PALM2AKAP2: variants seen among roughly 807,000 people sequenced by gnomAD.
PALM2AKAP2 encodes the protein PALM2-AKAP2 fusion protein.
In PALM2AKAP2, 37 loss-of-function variants were observed where a neutral mutation model predicts 71.5. The observed-to-expected ratio is 0.52, with a 90% CI of 0.40 to 0.68. PALM2AKAP2 has a LOEUF of 0.68. Among genes scored for constraint, PALM2AKAP2 ranks in the 30% least tolerant of loss-of-function variants. PALM2AKAP2 has a pLI of 0.00. For synonymous variants in PALM2AKAP2, 468 were observed against 478.8 expected, an observed-to-expected ratio of 0.98 and a Z score of 0.29; for missense variants, 1,224 against 1,191.8, an observed-to-expected ratio of 1.03 and a Z score of -0.40.
At chr9:109,688,956 A>G (rs1431378465) in intron 1 of PALM2AKAP2, among the ~76,000 whole-genome samples, 1 of 152,150 alleles carries the variant, frequency 6.6e-6, no homozygotes, top group African/African-American at 2.4e-5. Flanking sequence ...TTGAGACTCC[A>G]GTTGTTATCG....
Position 109,923,732 on chromosome 9 carries a change from C to T in PALM2AKAP2, c.258-3C>T, listed in dbSNP as rs768439111. 6.3e-7 allele frequency: 1 copy of T among 1,588,926 alleles called. No individual in the cohort carries two copies. The highest frequency in any genetic ancestry group is 8.5e-7 in the Non-Finnish European group (1 of 1,171,392). On this transcript the variant is annotated splice_polypyrimidine_tract_variant and splice_region_variant and intron_variant, in intron 3 of 9. Transcript: ENST00000302798. ...ACTTGTCCTTTGTTTGTGTGTTTTC[C>T]AGGCTGGAGCAAGAAATACAAACGC...
At chr9:109,828,758 A>T (rs1192160120) in intron 1 of PALM2AKAP2, among the ~76,000 whole-genome samples, 1 of 152,274 alleles carries the variant, frequency 6.6e-6, no homozygotes, top group African/African-American at 2.4e-5. Flanking sequence ...TGACACTGAC[A>T]TGAATAAATG....
chr9:110,035,170 C>G (rs1436474002), intron 7 of PALM2AKAP2, among the ~76,000 whole-genome samples: 2 of 143,836 alleles, frequency 1.4e-5, no homozygotes, highest in East Asian at 4.0e-4. Flanking sequence ...ATACTTTACC[C>G]AATGTACTAA....
chr9:110,074,643 A>G (rs1340013457), intron 1 of PALM2AKAP2, among the ~76,000 whole-genome samples: 1 of 152,182 alleles, frequency 6.6e-6, no homozygotes, highest in Non-Finnish European at 1.5e-5. Flanking sequence ...AAAATTATAA[A>G]CACACACACG....
chr9:109,707,983 A>T (rs1281880390), intron 1 of PALM2AKAP2, among the ~76,000 whole-genome samples: 1 of 151,944 alleles, frequency 6.6e-6, no homozygotes, highest in African/African-American at 2.4e-5. Flanking sequence ...TTCCCATAAG[A>T]TCTTCATGGC....
rs144154478 is a variant in PALM2AKAP2 at position 110,113,823 on chromosome 9, A to G, written c.157-22304A>G. On this transcript the variant is annotated intron_variant, in intron 1 of 3. Coordinates refer to ENST00000374525, the Ensembl canonical transcript of PALM2AKAP2. The stretch of plus-strand genomic sequence containing the variant: ...GCTGGGATTACAGACGTGAGCCACC[A>G]TACCCGGCCCTGTCTACAAGTTTTA... 1.5e-3 allele frequency among the ~76,000 whole-genome samples: 228 copies of G among 152,276 alleles called. 1 individual carries two copies. The highest frequency in any genetic ancestry group is 0.014 in the Middle Eastern group (4 of 294).
intron 7 of PALM2AKAP2, among the ~76,000 whole-genome samples, chr9:110,027,619 A>G (rs1325126754): frequency 6.6e-6 from 1 of 152,240 alleles, no homozygotes; most frequent in African/African-American, 2.4e-5. Flanking sequence ...TGAAAAGGGT[A>G]CATTTCTATT....
chr9:110,018,173 G>A (rs892156844), intron 7 of PALM2AKAP2, among the ~76,000 whole-genome samples: 3 of 151,976 alleles, frequency 2.0e-5, no homozygotes, highest in Non-Finnish European at 4.4e-5. Flanking sequence ...CTCGATCTCC[G>A]TTTCTTTTTC....
At chr9:109,859,421 G>A (rs1234538020) in intron 1 of PALM2AKAP2, among the ~76,000 whole-genome samples, 4 of 152,174 alleles carry the variant, frequency 2.6e-5, no homozygotes, top group African/African-American at 9.7e-5. Context: ...AGCTGGAAGA[G>A]AGGACTAAAA....
intron 1 of PALM2AKAP2, among the ~76,000 whole-genome samples, chr9:109,863,076 A>G (rs376295550): frequency 3.2e-4 from 48 of 152,308 alleles, no homozygotes; most frequent in African/African-American, 1.2e-3. Flanking sequence ...TCAGATTTCC[A>G]TTTTAGAATA....
At chr9:109,769,295 T>C (rs1829217935) in intron 1 of PALM2AKAP2, among the ~76,000 whole-genome samples, 1 of 152,106 alleles carries the variant, frequency 6.6e-6, no homozygotes, top group Non-Finnish European at 1.5e-5. Flanking sequence ...TTTTAAATAG[T>C]GGGATTATCA....
At chr9:109,673,808 T>C (rs540203050) in intron 1 of PALM2AKAP2, among the ~76,000 whole-genome samples, 117 of 152,266 alleles carry the variant, frequency 7.7e-4, no homozygotes, top group African/African-American at 2.7e-3. Flanking sequence ...ATATTTAAAA[T>C]AGTTACATTA....
intron 1 of PALM2AKAP2, among the ~76,000 whole-genome samples, chr9:110,096,327 G>T (rs963444252): frequency 2.6e-5 from 4 of 151,778 alleles, no homozygotes; most frequent in Non-Finnish European, 4.4e-5. Flanking sequence ...ACAGTAGCAG[G>T]TTCATATGTC....
rs191838057 is a variant in PALM2AKAP2, at chr9:110,074,312, G to A, written c.156+25457G>A. ...GGCCAGTCTAGGCAATATGGTGAGA[G>A]CCCATCTCAAATAAATAAGTAAGTA... On this transcript the variant is annotated intron_variant, in intron 1 of 3. Coordinates refer to ENST00000374525, the Ensembl canonical transcript of PALM2AKAP2. 3.1e-3 allele frequency among the ~76,000 whole-genome samples: 467 copies of A among 152,158 alleles called. 1 individual carries two copies. The highest frequency in any genetic ancestry group is 5.5e-3 in the Non-Finnish European group (373 of 68,006).
intron 6 of PALM2AKAP2, among the ~76,000 whole-genome samples, chr9:109,936,121 T>G (rs1002317343): frequency 3.3e-5 from 5 of 152,220 alleles, no homozygotes; most frequent in Non-Finnish European, 7.3e-5. Context: ...TAATTGTACA[T>G]ATTTATGGGG....
At chr9:109,892,264 C>G (rs568499221) in intron 3 of PALM2AKAP2, among the ~76,000 whole-genome samples, 2 of 152,284 alleles carry the variant, frequency 1.3e-5, no homozygotes, top group South Asian at 4.2e-4. Context: ...CTGTGTCGCT[C>G]TAATCTCTGC....
At chr9:109,994,627 A>T (rs997574028) in intron 6 of PALM2AKAP2, among the ~76,000 whole-genome samples, 1 of 151,760 alleles carries the variant, frequency 6.6e-6, no homozygotes, top group Non-Finnish European at 1.5e-5. Context: ...CAGTCCCTGG[A>T]CTCCATCCTG....
At chr9:109,917,749 C>T (rs1830727622) in intron 3 of PALM2AKAP2, among the ~76,000 whole-genome samples, 1 of 152,176 alleles carries the variant, frequency 6.6e-6, no homozygotes, top group South Asian at 2.1e-4. Flanking sequence ...CAGCCTCAGT[C>T]TCCCAAAGTG....
In PALM2AKAP2 at chr9:109,668,053, C is replaced by T. The variant is rs1019061891; in HGVS notation, c.5+27187C>T. Among the ~76,000 whole-genome samples the T allele has an allele frequency of 1.6e-3, 90 of 56,414 alleles. 37 individuals are homozygous for T. Among genetic ancestry groups the T allele is most frequent in the African/African-American group, 0.012 (86 of 7,288 alleles). The allele number at this position is 56,414 out of a possible 152,430, so 37.0% of individuals were successfully genotyped here. A position where few individuals can be genotyped will look rare whatever the true frequency, so the allele number is the denominator to read the frequency against. On this transcript the variant is annotated intron_variant, in intron 1 of 6. Transcript: ENST00000374531. ...CCGGATTCACGCCATTCTCCTGCCT[C>T]AGCCTCCCAAGTAGCTGGGACTACA...
Sources: allele counts gnomAD v4.1 joint callset (sites outside exome capture counted in the v4.1 genomes callset), GRCh38; gene constraint gnomAD v4.1.1; transcripts MANE v1.5; gene names NCBI Gene and HGNC (gene_info 2026-07-23, HGNC 2026-07-21).